TARBP1: variants seen among roughly 807,000 people sequenced by gnomAD.
TARBP1 encodes tRNA guanosine 2 -O-methyltransferase TARBP1.
Under a neutral mutation model 178.6 loss-of-function variants are expected in TARBP1, and 144 were observed. The observed-to-expected ratio is 0.81, with a 90% CI of 0.70 to 0.93. The LOEUF (loss-of-function observed/expected upper bound fraction) is 0.93. Ranked by LOEUF, TARBP1 falls within the 40% of genes least tolerant of loss-of-function variation. TARBP1 has a pLI of 0.00. For missense variants in TARBP1, 2,067 were observed against 2,011.7 expected (o/e 1.03, Z -0.53); for synonymous variants, 787 against 781.0 (o/e 1.01, Z -0.13).
intron 26 of TARBP1, 89 bp from the exon 27 acceptor site, chr1:234,393,926 G>A: frequency 9.9e-7 from 1 of 1,006,246 alleles, no homozygotes; most frequent in Non-Finnish European, 1.4e-6. Flanking sequence ...TTTTAAGAAT[G>A]TGAAATAATT....
chr1:234,430,020 T>C (rs1664253506), intron 15 of TARBP1, 67 bp downstream of exon 15: 4 of 1,435,724 alleles, frequency 2.8e-6, no homozygotes, highest in Admixed American at 2.0e-5. Flanking sequence ...ATAAGCAATG[T>C]TGGGCAATCA....
At chr1:234,448,329 A>T in intron 11 of TARBP1, 151 bp downstream of exon 11, 1 of 610,674 alleles carries the variant, frequency 1.6e-6, no homozygotes, top group Non-Finnish European at 2.9e-6. Flanking sequence ...TATTAACTTT[A>T]AACATTTCTT....
rs1669813971 is a variant in TARBP1 at position 234,478,589 on chromosome 1, AGCGCCAGGGCGACGGCGGTCCCCGCCAC to A, written c.487_514del (p.Val163TrpfsTer55). The A allele has an allele frequency of 7.7e-7, 1 of 1,292,302 alleles. No homozygotes were observed. The highest frequency in any genetic ancestry group is 2.2e-5 in the South Asian group (1 of 46,392). The allele number at this position is 1,292,302 out of a possible 1,614,324, so 80.1% of individuals were successfully genotyped here. On this transcript the variant is annotated frameshift_variant, in exon 1 of 30. Transcript: ENST00000040877. LOFTEE classifies it high-confidence loss of function. ...CTCATCCCCGTCCCCGCCCCCGCCC[AGCGCCAGGGCGACGGCGGTCCCCGCCAC>A]GCGCTCCAGTAGCGGCCCGTCCTCG...
intron 12 of TARBP1, among the ~76,000 whole-genome samples, chr1:234,442,980 T>C (rs1665748216): frequency 6.6e-6 from 1 of 152,144 alleles, no homozygotes. Flanking sequence ...TGGGCAAAAG[T>C]TCAAGCCAGA....
At position 234,446,886 on chromosome 1, in the gene TARBP1, G is replaced by A. The variant is rs1666236155; in HGVS notation, c.2051C>T (p.Pro684Leu). The A allele has an allele frequency of 2.5e-6, 4 of 1,613,930 alleles. No individual in the cohort carries two copies. Among genetic ancestry groups the A allele is most frequent in the Non-Finnish European group, 3.4e-6 (4 of 1,179,962 alleles). Residue 684 changes from proline to leucine, a missense_variant, in exon 12 of 30, where the codon CCC (proline) becomes CTC (leucine). Transcript: ENST00000040877. ...GAGGCATCTGTCAGTCTTCAGCAAG[G>A]GCATGTAGGCATTGGTACTAAACTT... Reference protein sequence around the residue: ...LMKFSTNAYMPLLKTDRCLQL... With the variant: ...LMKFSTNAYMLLLKTDRCLQL...
At chr1:234,473,645 G>C (rs114361999) in intron 1 of TARBP1, among the ~76,000 whole-genome samples, 2,126 of 152,334 alleles carry the variant, frequency 0.014, 57 homozygotes, top group African/African-American at 0.049. Context: ...AAATATATCA[G>C]AGATTCCTTA....
At chr1:234,453,443 G>A (rs1463676266) in intron 9 of TARBP1, among the ~76,000 whole-genome samples, 1 of 151,230 alleles carries the variant, frequency 6.6e-6, no homozygotes, top group Non-Finnish European at 1.5e-5. Context: ...GCCCGCCTCT[G>A]CCTCCCAAAG....
Position 234,406,051 on chromosome 1 carries a change from T to C in TARBP1, c.3841A>G (p.Asn1281Asp), listed in dbSNP as rs769702953. 5.6e-6 allele frequency: 9 copies of C among 1,614,074 alleles called. No individual in the cohort carries two copies. In the Admixed American group the frequency reaches 8.3e-5, roughly 15 times the overall value. ...TACAGTCGAACACTAAAATTGTGAT[T>C]GAAACACCACTGCAGCACAACTATA... ...ALIVVLQWCF[N>D]HNFSVRLYAL... Residue 1281 changes from asparagine (N) to aspartate (D), a missense_variant, in exon 24 of 30, where the codon AAT (asparagine) becomes GAT (aspartate). Transcript: ENST00000040877.
At chr1:234,406,194 G>A in intron 23 of TARBP1, 95 bp from the exon 24 acceptor site, 1 of 1,153,168 alleles carries the variant, frequency 8.7e-7, no homozygotes, top group Non-Finnish European at 1.2e-6. Flanking sequence ...TGATACAACT[G>A]CTCCTAGTAA....
rs1355723867 is a variant in TARBP1, at chr1:234,450,478, G to A, written c.1811C>T (p.Ala604Val). 1 of 1,609,816 alleles carries A rather than the reference G, an allele frequency of 6.2e-7. No homozygotes were observed. Among genetic ancestry groups the A allele is most frequent in the Non-Finnish European group, 8.5e-7 (1 of 1,178,312 alleles). Residue 604 changes from alanine to valine, a missense_variant, in exon 10 of 30, where the codon GCT becomes GTT. Transcript: ENST00000040877. ...SIGLHKTSLN[A>V]YVKSIVQEYV... ...CTCTTGAACAATGCTCTTTACATAA[G>A]CATTTAAAGATGTCTTGTGAAGTCC... is the stretch of plus-strand genomic sequence containing the variant.
intron 20 of TARBP1, among the ~76,000 whole-genome samples, chr1:234,424,625 G>A (rs895267914): frequency 1.3e-5 from 2 of 152,076 alleles, no homozygotes; most frequent in Non-Finnish European, 2.9e-5. Context: ...TATGAATATA[G>A]TACTCTAAAC....
rs772636007 is a variant in TARBP1 at position 234,425,661 on chromosome 1, A to C, written c.3444+12T>G. 2.5e-6 allele frequency: 4 copies of C among 1,609,222 alleles called. No homozygotes were observed. In the South Asian group the frequency reaches 4.4e-5, roughly 18 times the overall value. On this transcript the variant is annotated intron_variant, in intron 20 of 29. Coordinates refer to ENST00000040877, the MANE Select transcript of TARBP1 (RefSeq NM_005646.4). ...TTAAAAACAAAGATAATTTAAAGTA[A>C]AATACACTTACTTTATCTAATAGCT...
chr1:234,468,375 G>A (rs73103948), intron 3 of TARBP1, among the ~76,000 whole-genome samples: 3,337 of 152,128 alleles, frequency 0.022, 124 homozygotes, highest in African/African-American at 0.076. Context: ...CACGAGAATC[G>A]CTTGAACCCT....
chr1:234,426,659 ACACGTACACATTTT>A, intron 19 of TARBP1, among the ~76,000 whole-genome samples: 1 of 152,318 alleles, frequency 6.6e-6, no homozygotes, highest in East Asian at 1.9e-4. Context: ...CTCTATAAAC[ACACGTACACATTTT>A]TGAAAGCCAT....
chr1:234,443,555 A>C (rs528548036), intron 12 of TARBP1, among the ~76,000 whole-genome samples: 1 of 152,288 alleles, frequency 6.6e-6, no homozygotes, highest in South Asian at 2.1e-4. Context: ...ACTGTGGAAA[A>C]GTGTATGGCA....
chr1:234,410,633 C>T, intron 22 of TARBP1, 102 bp from the exon 23 acceptor site: 1 of 701,756 alleles, frequency 1.4e-6, no homozygotes, highest in Non-Finnish European at 2.4e-6. Flanking sequence ...GGACAGGAGG[C>T]AGCCTCTTCC....
intron 26 of TARBP1, among the ~76,000 whole-genome samples, chr1:234,397,040 T>C (rs964118769): frequency 2.3e-4 from 34 of 150,714 alleles, no homozygotes; most frequent in Non-Finnish European, 4.9e-4. Flanking sequence ...TCTAATTTCC[T>C]GAAAGAAGTT....
intron 9 of TARBP1, among the ~76,000 whole-genome samples, chr1:234,454,526 G>A (rs1313607810): frequency 6.6e-6 from 1 of 152,108 alleles, no homozygotes; most frequent in South Asian, 2.1e-4. Flanking sequence ...GGTAGATGAT[G>A]GGTGATGGGT....
chr1:234,399,916 T>C (rs1164025446), intron 25 of TARBP1, among the ~76,000 whole-genome samples: 2 of 150,172 alleles, frequency 1.3e-5, no homozygotes, highest in Non-Finnish European at 3.0e-5. Context: ...GGGATAGCTT[T>C]AGGAGATATA....
Sources: gnomAD v4.1 joint callset for allele counts (sites outside exome capture counted in the v4.1 genomes callset) on GRCh38, gnomAD v4.1.1 for gene constraint, MANE v1.5 for transcripts, NCBI Gene and HGNC (gene_info 2026-07-23, HGNC 2026-07-21) for gene names.